Variants in CCDC125 observed in about 807,000 individuals in gnomAD.
CCDC125 encodes the protein coiled-coil domain-containing protein 125.
A neutral mutation model predicts 57.4 loss-of-function variants in CCDC125; 43 were observed. The ratio of observed to expected loss-of-function variants is 0.75; its 90% confidence interval spans 0.59 to 0.97. The LOEUF (loss-of-function observed/expected upper bound fraction) is 0.97. Among genes scored for constraint, CCDC125 ranks in the 50% least tolerant of loss-of-function variants. CCDC125 has a pLI of 0.00. For synonymous variants in CCDC125, 187 were observed against 195.2 expected (o/e 0.96, Z 0.35); for missense variants, 563 against 595.7 (o/e 0.95, Z 0.57).
intron 3 of CCDC125, 103 bp downstream of exon 3, chr5:69,313,882 A>G (rs1436512864): frequency 1.1e-6 from 1 of 925,268 alleles, no homozygotes; most frequent in African/African-American, 1.6e-5. Flanking sequence ...TGTTTCCAGA[A>G]GCAAAAAGGA....
chr5:69,302,281 G>A (rs1290820531), intron 7 of CCDC125, among the ~76,000 whole-genome samples: 1 of 150,856 alleles, frequency 6.6e-6, no homozygotes, highest in East Asian at 2.0e-4. Context: ...AATTAGCCAG[G>A]TGTGGTGGCA....
At position 69,281,213 on chromosome 5, in the gene CCDC125, TTTTA is replaced by T. The variant is rs1308143810; in HGVS notation, c.*1512_*1515del. ...GAGCTTTGTAAATTTTTAAAAACTT[TTTTA>T]TTGAGTTGTGGTTTATGCCTGTAAT... is the stretch of plus-strand genomic sequence containing the variant. On this transcript the variant is annotated 3_prime_UTR_variant, in exon 12 of 12. Coordinates refer to ENST00000396496, the MANE Select transcript of CCDC125 (RefSeq NM_176816.5). 6.6e-6 allele frequency: 1 copy of T among 152,190 alleles called. No homozygotes were observed. The highest frequency in any genetic ancestry group is 1.5e-5 in the Non-Finnish European group (1 of 68,034). 9.4% of individuals were successfully genotyped at this position (152,190 alleles called of 1,614,324 possible). A position where few individuals can be genotyped will look rare whatever the true frequency, so the allele number is the denominator to read the frequency against.
At chr5:69,303,799 T>C (rs989604198) in intron 7 of CCDC125, 48 bp downstream of exon 7, 2 of 1,042,608 alleles carry the variant, frequency 1.9e-6, no homozygotes, top group Non-Finnish European at 1.5e-6. Context: ...AATACTAGCA[T>C]GTTATCTTTA....
At position 69,327,900 on chromosome 5, in the gene CCDC125, G is replaced by T. The variant is rs191513564; in HGVS notation, c.-41+4749C>A. Among the ~76,000 whole-genome samples the T allele has an allele frequency of 2.6e-4, 40 of 152,230 alleles. No homozygotes were observed. The East Asian group carries it at 7.7e-3, about 29-fold the overall frequency. On this transcript the variant is annotated intron_variant, in intron 1 of 11. Transcript: ENST00000396496. ...ATGGAACATGTTCTCCAGACTATTA[G>T]GTTTTGCTAGGAATAAAAGTGTCCT...
At chr5:69,275,329 T>A (rs1039402653), downstream of CCDC125, among the ~76,000 whole-genome samples, 1 of 152,234 alleles carries the variant, frequency 6.6e-6, no homozygotes, top group Non-Finnish European at 1.5e-5. Context: ...CTGTATTTTT[T>A]AAAAAGCCTT....
chr5:69,300,662 C>T (rs1756245434), intron 7 of CCDC125, among the ~76,000 whole-genome samples: 1 of 152,036 alleles, frequency 6.6e-6, no homozygotes, highest in Non-Finnish European at 1.5e-5. Flanking sequence ...AAGGGGAGGA[C>T]TTATGATCAT....
chr5:69,320,517 T>G lies in CCDC125; in HGVS notation c.24A>C (p.Ser8=). The change falls in exon 2 of 12, where the codon TCA becomes TCC. Residue 8 remains serine, a synonymous_variant. Coordinates refer to ENST00000396496, the MANE Select transcript of CCDC125 (RefSeq NM_176816.5). ...CCCAGAGCTGCACGTCTGACTCACT[T>G]GATGATCTTGCCACCTTGCTCATGA... MSKVARS[S]SESDVQLWET... 6.2e-7 allele frequency: 1 copy of G among 1,611,396 alleles called. No homozygotes were observed. Among genetic ancestry groups the G allele is most frequent in the Non-Finnish European group, 8.5e-7 (1 of 1,178,602 alleles).
At chr5:69,312,554 T>A (rs1396073301) in intron 3 of CCDC125, among the ~76,000 whole-genome samples, 1 of 152,140 alleles carries the variant, frequency 6.6e-6, no homozygotes, top group African/African-American at 2.4e-5. Context: ...CTTCTGACTT[T>A]AATGAGGTTA....
chr5:69,283,055 C>T, intron 11 of CCDC125, 21 bp from the exon 12 acceptor site: 1 of 1,550,036 alleles, frequency 6.5e-7, no homozygotes, highest in Non-Finnish European at 8.7e-7. Flanking sequence ...AGAAATTAAA[C>T]ATGTACAAGT....
downstream of CCDC125, among the ~76,000 whole-genome samples, chr5:69,278,116 A>C (rs902065090): frequency 1.3e-5 from 2 of 151,668 alleles, no homozygotes; most frequent in Non-Finnish European, 2.9e-5. Context: ...TCCTGACCTG[A>C]AGTGATCTGC....
rs181418976 is a variant in CCDC125 at position 69,303,038 on chromosome 5, G to A, written c.700+809C>T. 3.3e-5 allele frequency among the ~76,000 whole-genome samples: 5 copies of A among 152,120 alleles called. No homozygotes were observed. The East Asian group carries it at 7.7e-4, about 24-fold the overall frequency. The stretch of plus-strand genomic sequence containing the variant: ...CACTGAATTGTTAACTTATTTTTTC[G>A]AGACCGAGTTTCGCTCTGTCACCCA... On this transcript the variant is annotated intron_variant, in intron 7 of 11. Transcript: ENST00000396496.
At chr5:69,306,390 G>A (rs960872780) in intron 6 of CCDC125, among the ~76,000 whole-genome samples, 24 of 152,006 alleles carry the variant, frequency 1.6e-4, no homozygotes, top group Admixed American at 6.6e-4. Context: ...GTGCAGTGGC[G>A]CAATCATGGC....
intron 11 of CCDC125, among the ~76,000 whole-genome samples, 187 bp from the exon 12 acceptor site, chr5:69,283,221 T>C (rs1752705105): frequency 9.8e-6 from 1 of 101,874 alleles, no homozygotes; most frequent in Non-Finnish European, 2.2e-5. Context: ...TTCATGAATC[T>C]TTTTTTTTTT....
intron 1 of CCDC125, among the ~76,000 whole-genome samples, chr5:69,328,797 CTT>C (rs779295171): frequency 4.9e-5 from 7 of 144,020 alleles, no homozygotes; most frequent in Admixed American, 1.4e-4. Context: ...ATACGTTTGA[CTT>C]TTTTTTTTTT....
chr5:69,315,931 A>G (rs1382923750), intron 2 of CCDC125, among the ~76,000 whole-genome samples: 2 of 3,282 alleles, frequency 6.1e-4, no homozygotes, highest in African/African-American at 1.2e-3. Context: ...CAACGGCAGT[A>G]AAAAAAAAAA....
At chr5:69,292,717 G>A (rs1200928210) in intron 9 of CCDC125, among the ~76,000 whole-genome samples, 1 of 152,080 alleles carries the variant, frequency 6.6e-6, no homozygotes, top group African/African-American at 2.4e-5. Flanking sequence ...TCAGCTTTGG[G>A]CCATTCCAGA....
At chr5:69,307,550 C>A (rs913821602) in intron 5 of CCDC125, 4 of 165,168 alleles carry the variant, frequency 2.4e-5, no homozygotes, top group African/African-American at 9.6e-5. Context: ...GGCGTGGTGG[C>A]GGGCACCTGT....
chr5:69,276,391 A>AT, downstream of CCDC125: 1 of 669,228 alleles, frequency 1.5e-6, no homozygotes. Context: ...AGTAATTTCC[A>AT]TTTGCAAATA....
intron 5 of CCDC125, 128 bp downstream of exon 5, chr5:69,307,823 C>A: frequency 1.5e-6 from 1 of 676,672 alleles, no homozygotes; most frequent in Non-Finnish European, 2.6e-6. Flanking sequence ...AAGGGAAGAC[C>A]ATCAGAACTG....
Sources: gnomAD v4.1 joint callset for allele counts (sites outside exome capture counted in the v4.1 genomes callset) on GRCh38, gnomAD v4.1.1 for gene constraint, MANE v1.5 for transcripts, NCBI Gene and HGNC (gene_info 2026-07-23, HGNC 2026-07-21) for gene names.